TRPA1: variants seen among roughly 807,000 people sequenced by gnomAD.
TRPA1 encodes the protein ankyrin-like with transmembrane domains 1.
TRPA1 carries 129 observed loss-of-function variants against 131.3 expected under a neutral mutation model. That is an observed-to-expected ratio of 0.98 (90% CI 0.85 to 1.14). The LOEUF is 1.14. Ranked by LOEUF, TRPA1 falls within the 50% of genes most tolerant of loss-of-function variation. TRPA1 has a pLI of 0.00. For missense variants in TRPA1, 1,304 were observed against 1,354.2 expected (o/e 0.96, Z 0.58); for synonymous variants, 441 against 451.7 (o/e 0.98, Z 0.30).
chr8:72,088,671 A>G, the TRPA1 span, among the ~76,000 whole-genome samples: 1 of 152,076 alleles, frequency 6.6e-6, no homozygotes, highest in East Asian at 1.9e-4. Context: ...CAGATGGAAA[A>G]TTTTGTTTAA....
At chr8:72,056,817 C>A in intron 10 of TRPA1, 100 bp downstream of exon 10, 3 of 829,988 alleles carry the variant, frequency 3.6e-6, no homozygotes, top group Admixed American at 2.3e-5. Context: ...TTTAAAATTC[C>A]AGAATCAGTT....
intron 7 of TRPA1, among the ~76,000 whole-genome samples, chr8:72,061,418 T>C (rs1442911895): frequency 2.6e-5 from 4 of 152,236 alleles, no homozygotes; most frequent in African/African-American, 9.6e-5. Flanking sequence ...CAGGTGATTT[T>C]ATTTTGTGAA....
At chr8:72,048,547 C>A (rs1363148775) in intron 15 of TRPA1, among the ~76,000 whole-genome samples, 1 of 151,910 alleles carries the variant, frequency 6.6e-6, no homozygotes, top group Non-Finnish European at 1.5e-5. Flanking sequence ...CAGAAACAGG[C>A]AGGTCTGGTT....
chr8:72,066,176 T>C (rs1805928097), intron 3 of TRPA1, among the ~76,000 whole-genome samples: 1 of 152,202 alleles, frequency 6.6e-6, no homozygotes, highest in Non-Finnish European at 1.5e-5. Context: ...GAAATTAGCA[T>C]CCTGATAAAA....
chr8:72,074,765 C>A (rs1477465131), intron 1 of TRPA1, among the ~76,000 whole-genome samples: 1 of 152,194 alleles, frequency 6.6e-6, no homozygotes, highest in Non-Finnish European at 1.5e-5. Context: ...GCTCCTACCC[C>A]TGGAGAAGGA....
At chr8:72,085,855 G>A in the TRPA1 span, among the ~76,000 whole-genome samples, 3 of 151,936 alleles carry the variant, frequency 2.0e-5, no homozygotes, top group Non-Finnish European at 4.4e-5. Context: ...TTCACCTTGT[G>A]CATTTTGTTT....
At chr8:72,054,295 T>C (rs1266392356) in intron 12 of TRPA1, 1 of 230,172 alleles carries the variant, frequency 4.3e-6, no homozygotes, top group African/African-American at 2.3e-5. Context: ...CAATAGTTAT[T>C]GGTAATACTA....
rs2129433395 is a variant in TRPA1, at chr8:72,034,264, A to G, written c.2669T>C (p.Ile890Thr). The part of the protein sequence containing the change: ...LLLAFGLSFY[I>T]LLNLQDPFSS... ...CTGTCTTACCTGTAAATTCAGGAGG[A>G]TGTAAAAGCTGAGTCCAAAAGCCAG... is the stretch of plus-strand genomic sequence containing the variant. The change falls in exon 22 of 27, where the codon ATC becomes ACC. Residue 890 changes from isoleucine (I) to threonine (T), a missense_variant. Ile to Thr is a moderately conservative substitution (Grantham distance 89). Coordinates refer to ENST00000262209, the MANE Select transcript of TRPA1 (RefSeq NM_007332.3). 1.2e-6 allele frequency: 2 copies of G among 1,608,460 alleles called. No homozygotes were observed.
chr8:72,043,675 A>T (rs554154387), intron 17 of TRPA1, among the ~76,000 whole-genome samples: 69 of 151,920 alleles, frequency 4.5e-4, no homozygotes, highest in African/African-American at 1.6e-3. Flanking sequence ...TGTTAGATAG[A>T]AGTTGGAATT....
At chr8:72,072,000 T>C in intron 1 of TRPA1, 133 bp from the exon 2 acceptor site, 1 of 803,214 alleles carries the variant, frequency 1.2e-6, no homozygotes, top group South Asian at 1.7e-5. Flanking sequence ...ATATTTTTCT[T>C]GAAATACACA....
At chr8:72,084,439 AT>A in the TRPA1 span, among the ~76,000 whole-genome samples, 798 of 151,388 alleles carry the variant, frequency 5.3e-3, 7 homozygotes, top group African/African-American at 0.018. Flanking sequence ...TAGAGATTTG[AT>A]TTTTTAAGGA....
chr8:72,088,557 G>C, the TRPA1 span, among the ~76,000 whole-genome samples: 1 of 151,960 alleles, frequency 6.6e-6, no homozygotes, highest in Non-Finnish European at 1.5e-5. Context: ...TGAAATATTT[G>C]AATGACAGAA....
chr8:72,040,736 G>T (rs182167967), intron 17 of TRPA1, among the ~76,000 whole-genome samples: 1 of 152,068 alleles, frequency 6.6e-6, no homozygotes, highest in African/African-American at 2.4e-5. Context: ...AGAAGATAGA[G>T]TGTCAACAGA....
intron 24 of TRPA1, among the ~76,000 whole-genome samples, chr8:72,028,840 T>C (rs752113276): frequency 6.6e-6 from 1 of 152,136 alleles, no homozygotes; most frequent in Non-Finnish European, 1.5e-5. Context: ...GCTGAATGAA[T>C]AACAGAGAAG....
chr8:72,031,941 G>A (rs1811840217), intron 23 of TRPA1, among the ~76,000 whole-genome samples: 1 of 152,158 alleles, frequency 6.6e-6, no homozygotes, highest in Admixed American at 6.5e-5. Context: ...GAGGGGTGGT[G>A]GTTAAGGAAG....
chr8:72,057,235 A>C (rs1396560554), intron 9 of TRPA1, among the ~76,000 whole-genome samples: 1 of 152,120 alleles, frequency 6.6e-6, no homozygotes, highest in Non-Finnish European at 1.5e-5. Context: ...GGGGTAGAAA[A>C]TATGTGATGC....
chr8:72,077,127 C>T (rs1806202983), upstream of TRPA1, among the ~76,000 whole-genome samples: 1 of 152,020 alleles, frequency 6.6e-6, no homozygotes, highest in African/African-American at 2.4e-5. Context: ...TTATTTTGAT[C>T]GATTGCTTTT....
chr8:72,057,768 A>G lies in TRPA1; in HGVS notation c.1042T>C (p.Leu348=). 2.5e-6 allele frequency: 4 copies of G among 1,614,006 alleles called. No individual in the cohort carries two copies. The highest frequency in any genetic ancestry group is 3.4e-6 in the Non-Finnish European group (4 of 1,179,930). Residue 348 remains leucine, a synonymous_variant, in exon 9 of 27, where the codon TTA becomes CTA. Coordinates refer to ENST00000262209, the MANE Select transcript of TRPA1 (RefSeq NM_007332.3). ...TTCCAAGATGCAGAAGCAGTTGCTA[A>G]TATAAGTGGAGAGCGTCCTTCAGAA... is the stretch of plus-strand genomic sequence containing the variant. The part of the protein sequence containing the change: ...IDSEGRSPLI[L]ATASASWNIV...
Position 72,029,883 on chromosome 8 carries a change from G to T in TRPA1, c.2937+18C>A. ...CCAGAAGATAACACTGTAATAAGTG[G>T]GGAGGCACTGCACTTACCTGCATAG... On this transcript the variant is annotated intron_variant, in intron 24 of 26. Transcript: ENST00000262209. 4 of 1,611,564 alleles carry T rather than the reference G, an allele frequency of 2.5e-6. No homozygotes were observed. The highest frequency in any genetic ancestry group is 3.4e-6 in the Non-Finnish European group (4 of 1,177,802).
Sources: allele counts gnomAD v4.1 joint callset (sites outside exome capture counted in the v4.1 genomes callset), GRCh38; gene constraint gnomAD v4.1.1; transcripts MANE v1.5; gene names NCBI Gene and HGNC (gene_info 2026-07-23, HGNC 2026-07-21).